GABRB2: variants seen among roughly 807,000 people sequenced by gnomAD.
GABRB2 encodes the protein gamma-aminobutyric acid receptor subunit beta-2.
A neutral mutation model predicts 54.7 loss-of-function variants in GABRB2; 16 were observed. The ratio of observed to expected loss-of-function variants is 0.29; its 90% CI spans 0.20 to 0.44. The LOEUF is 0.44. Ranked by LOEUF, GABRB2 falls within the 20% of genes least tolerant of loss-of-function variation. The pLI is 1.00. For missense variants in GABRB2, 355 were observed against 644.0 expected, an observed-to-expected ratio of 0.55 and a Z score of 4.86; for synonymous variants, 244 against 233.8, an observed-to-expected ratio of 1.04 and a Z score of -0.40.
At chr5:161,418,403 G>T (rs575888518) in intron 4 of GABRB2, among the ~76,000 whole-genome samples, 1 of 152,050 alleles carries the variant, frequency 6.6e-6, no homozygotes, top group Admixed American at 6.6e-5. Context: ...GAGGAAGTCT[G>T]CATCCCTGAA....
At chr5:161,506,883 C>T (rs1207882996) in intron 3 of GABRB2, among the ~76,000 whole-genome samples, 2 of 151,944 alleles carry the variant, frequency 1.3e-5, no homozygotes, top group Non-Finnish European at 2.9e-5. Flanking sequence ...ATCAGTTATC[C>T]AAATAGAAAA....
intron 4 of GABRB2, among the ~76,000 whole-genome samples, chr5:161,438,177 C>A (rs1327059495): frequency 1.3e-5 from 2 of 152,180 alleles, no homozygotes; most frequent in East Asian, 1.9e-4. Context: ...ACTCCACCCC[C>A]AGCTTGAGGT....
At chr5:161,338,603 A>G (rs1434011369) in intron 5 of GABRB2, among the ~76,000 whole-genome samples, 2 of 152,054 alleles carry the variant, frequency 1.3e-5, no homozygotes, top group Admixed American at 6.6e-5. Context: ...CCTGGGCAAC[A>G]TAGTAAGACC....
chr5:161,499,636 A>C (rs1759366027), intron 3 of GABRB2, among the ~76,000 whole-genome samples: 1 of 152,206 alleles, frequency 6.6e-6, no homozygotes, highest in South Asian at 2.1e-4. Context: ...ACTAAAATAC[A>C]ACAAAAATAA....
At chr5:161,387,048 TAAAG>T (rs1755662535) in intron 5 of GABRB2, among the ~76,000 whole-genome samples, 1 of 152,004 alleles carries the variant, frequency 6.6e-6, no homozygotes, top group African/African-American at 2.4e-5. Flanking sequence ...GGAGGAATGA[TAAAG>T]AAAATTTATA....
intron 3 of GABRB2, among the ~76,000 whole-genome samples, chr5:161,504,459 G>A (rs1038951245): frequency 2.0e-5 from 3 of 151,926 alleles, no homozygotes; most frequent in South Asian, 2.1e-4. Context: ...AAAAATTCAC[G>A]GCTTTTGTAA....
chr5:161,455,414 C>G (rs73800516), intron 4 of GABRB2, among the ~76,000 whole-genome samples: 49 of 152,052 alleles, frequency 3.2e-4, no homozygotes, highest in African/African-American at 7.5e-4. Context: ...TCTGTACACA[C>G]GAGAGATGGG....
intron 3 of GABRB2, among the ~76,000 whole-genome samples, chr5:161,505,292 G>A (rs892331132): frequency 1.3e-5 from 2 of 151,584 alleles, no homozygotes; most frequent in African/African-American, 4.8e-5. Context: ...CACCACGCCC[G>A]ACAAATTTTT....
chr5:161,497,997 AGAAACATTCT>A (rs1759310741), intron 3 of GABRB2, among the ~76,000 whole-genome samples: 2 of 152,208 alleles, frequency 1.3e-5, no homozygotes, highest in African/African-American at 4.8e-5. Context: ...TGTTTCTTTG[AGAAACATTCT>A]GAAATACTCA....
At chr5:161,504,020 A>C (rs1456937681) in intron 3 of GABRB2, among the ~76,000 whole-genome samples, 1 of 152,230 alleles carries the variant, frequency 6.6e-6, no homozygotes, top group African/African-American at 2.4e-5. Context: ...TGAAATGTAT[A>C]TGCAACTAAT....
At chr5:161,441,858 A>G (rs866100874) in intron 4 of GABRB2, among the ~76,000 whole-genome samples, 6 of 152,204 alleles carry the variant, frequency 3.9e-5, no homozygotes, top group Middle Eastern at 3.2e-3. Flanking sequence ...AGAGAAAGAC[A>G]TACATCTCAT....
intron 3 of GABRB2, among the ~76,000 whole-genome samples, chr5:161,462,933 G>A (rs2113273589): frequency 6.6e-6 from 1 of 151,996 alleles, no homozygotes; most frequent in African/African-American, 2.4e-5. Flanking sequence ...ATATTACAAG[G>A]CTATCCTTCA....
At chr5:161,393,579 C>G (rs1462580502) in intron 5 of GABRB2, among the ~76,000 whole-genome samples, 1 of 151,648 alleles carries the variant, frequency 6.6e-6, no homozygotes, top group Non-Finnish European at 1.5e-5. Context: ...ATTTATTATG[C>G]AAAAAGTATG....
chr5:161,446,300 T>C (rs1185681537), intron 4 of GABRB2, among the ~76,000 whole-genome samples: 1 of 152,122 alleles, frequency 6.6e-6, no homozygotes, highest in East Asian at 1.9e-4. Context: ...AATTAAAGCT[T>C]CAGTGATTCA....
At chr5:161,371,911 G>A (rs1352960144) in intron 5 of GABRB2, among the ~76,000 whole-genome samples, 1 of 151,668 alleles carries the variant, frequency 6.6e-6, no homozygotes, top group Non-Finnish European at 1.5e-5. Flanking sequence ...TTTTATTTTT[G>A]TAGAGACAGG....
chr5:161,431,055 A>G (rs1757158555), intron 4 of GABRB2, among the ~76,000 whole-genome samples: 1 of 152,166 alleles, frequency 6.6e-6, no homozygotes, highest in Admixed American at 6.6e-5. Context: ...ATTTTGAAAA[A>G]GAGATGGGAT....
chr5:161,458,547 A>C (rs1758028974), intron 4 of GABRB2, among the ~76,000 whole-genome samples: 1 of 152,224 alleles, frequency 6.6e-6, no homozygotes, highest in Non-Finnish European at 1.5e-5. Flanking sequence ...AGAAAATAAA[A>C]ATGAGATAGA....
intron 9 of GABRB2, among the ~76,000 whole-genome samples, chr5:161,321,592 C>T (rs1758211951): frequency 6.6e-6 from 1 of 152,050 alleles, no homozygotes. Context: ...TCCTTAATAC[C>T]TTGCAAATTG....
chr5:161,368,705 G>A (rs955233551), intron 5 of GABRB2, among the ~76,000 whole-genome samples: 1 of 152,144 alleles, frequency 6.6e-6, no homozygotes, highest in South Asian at 2.1e-4. Context: ...TCTAAGAAGC[G>A]ATAGTCATCC....
Sources: allele counts gnomAD v4.1 joint callset (sites outside exome capture counted in the v4.1 genomes callset), GRCh38; gene constraint gnomAD v4.1.1; transcripts MANE v1.5; gene names NCBI Gene and HGNC (gene_info 2026-07-23, HGNC 2026-07-21).